Variants in CSMD1 observed in about 807,000 individuals in gnomAD.
CSMD1 encodes CUB and sushi domain-containing protein 1.
In CSMD1, 213 loss-of-function variants were observed where a neutral mutation model predicts 417.5. The observed-to-expected ratio is 0.51, with a 90% confidence interval of 0.46 to 0.57. The LOEUF (loss-of-function observed/expected upper bound fraction) is 0.57. CSMD1 is among the 20% of genes least tolerant of loss of function. CSMD1 has a pLI of 0.00. For synonymous variants in CSMD1, 2,862 were observed against 1,736.8 expected (o/e 1.65, Z -16.11); for missense variants, 6,923 against 4,529.7 (o/e 1.53, Z -15.17).
intron 3 of CSMD1, among the ~76,000 whole-genome samples, chr8:4,334,445 G>C (rs1043754642): frequency 6.6e-6 from 1 of 152,096 alleles, no homozygotes; most frequent in African/African-American, 2.4e-5. Context: ...TCTTTCTCAA[G>C]ACTGCAACAT....
Position 4,949,206 on chromosome 8 carries a change from T to C in CSMD1, c.85+45126A>G, listed in dbSNP as rs151215774. Reference sequence around the variant, plus strand: ...TAATATTGTCTTAAATACCATTGCATTTGGTTTGTCTATAATTTTTTTAGA... The same window carrying C: ...TAATATTGTCTTAAATACCATTGCACTTGGTTTGTCTATAATTTTTTTAGA... On this transcript the variant is annotated intron_variant, in intron 1 of 69. Coordinates refer to ENST00000635120, the MANE Select transcript of CSMD1 (RefSeq NM_033225.6). Among the ~76,000 whole-genome samples, 182 of 152,298 alleles carry C rather than the reference T, an allele frequency of 1.2e-3. 1 individual carries two copies. In the East Asian group the frequency reaches 0.026, roughly 22 times the overall value.
intron 26 of CSMD1, among the ~76,000 whole-genome samples, chr8:3,282,619 C>T (rs540662620): frequency 1.3e-5 from 2 of 152,222 alleles, no homozygotes; most frequent in Admixed American, 1.3e-4. Flanking sequence ...TTGGAACACT[C>T]TTACTTTCAT....
In CSMD1 at chr8:3,205,601, G is replaced by C; in HGVS notation, c.4887C>G (p.Tyr1629Ter). 1 of 1,572,856 alleles carries C rather than the reference G, an allele frequency of 6.4e-7. No homozygotes were observed. Among genetic ancestry groups the C allele is most frequent in the Non-Finnish European group, 8.7e-7 (1 of 1,153,170 alleles). The change falls in exon 31 of 70, where the codon TAC becomes TAG. Residue 1629 changes from tyrosine (Y) to a stop codon, truncating the protein, a stop_gained. Coordinates refer to ENST00000635120, the MANE Select transcript of CSMD1 (RefSeq NM_033225.6). LOFTEE classifies it high-confidence loss of function. The stretch of plus-strand genomic sequence containing the variant: ...ATAAAACTACCCCTTCTGATCCCGT[G>C]TACTGGCCTCCACAGGGAGCTGAAA... ...PSCNAPCGGQ[Y>*]TGSEGVVLSP...
intron 30 of CSMD1, among the ~76,000 whole-genome samples, chr8:3,206,717 T>C (rs541364398): frequency 7.6e-4 from 113 of 148,182 alleles, no homozygotes; most frequent in Non-Finnish European, 1.4e-3. Flanking sequence ...TCTGTGTGAA[T>C]GTGTGGGTAT....
chr8:4,911,072 C>T (rs4338127), intron 1 of CSMD1, among the ~76,000 whole-genome samples: 121,790 of 152,236 alleles, frequency 0.8, 48,831 homozygotes, highest in Admixed American at 0.84. Flanking sequence ...CCTTCCACCA[C>T]GATTGTGAGG....
chr8:2,973,510 TCA>T (rs1483826470), intron 56 of CSMD1, among the ~76,000 whole-genome samples: 1 of 152,220 alleles, frequency 6.6e-6, no homozygotes, highest in Non-Finnish European at 1.5e-5. Context: ...GTTACTAACT[TCA>T]CAATAGCCTA....
chr8:3,158,879 G>A (rs1819705988), intron 38 of CSMD1, among the ~76,000 whole-genome samples: 1 of 152,092 alleles, frequency 6.6e-6, no homozygotes, highest in South Asian at 2.1e-4. Flanking sequence ...AATAATTCCA[G>A]CCACACTGGG....
chr8:4,829,479 T>C (rs1483059820), intron 1 of CSMD1, among the ~76,000 whole-genome samples: 1 of 152,092 alleles, frequency 6.6e-6, no homozygotes, highest in Non-Finnish European at 1.5e-5. Flanking sequence ...CAGTGGCTAA[T>C]ACCTGTAATC....
chr8:3,511,616 G>A (rs574510649), intron 10 of CSMD1, among the ~76,000 whole-genome samples: 1 of 151,380 alleles, frequency 6.6e-6, no homozygotes, highest in Admixed American at 6.6e-5. Context: ...AGATTAGCTG[G>A]GCATGGTAGC....
chr8:4,352,056 C>A (rs1043826556), intron 3 of CSMD1, among the ~76,000 whole-genome samples: 6 of 150,848 alleles, frequency 4.0e-5, no homozygotes, highest in South Asian at 2.1e-4. Context: ...GTGTGGTCTA[C>A]AATTATTCAG....
chr8:4,344,237 T>C (rs1800648455), intron 3 of CSMD1, among the ~76,000 whole-genome samples: 1 of 152,158 alleles, frequency 6.6e-6, no homozygotes, highest in Non-Finnish European at 1.5e-5. Context: ...CAAAGGTGCC[T>C]CTGACACAAT....
chr8:3,892,273 C>A (rs770084730), intron 5 of CSMD1, among the ~76,000 whole-genome samples: 1 of 152,124 alleles, frequency 6.6e-6, no homozygotes, highest in African/African-American at 2.4e-5. Context: ...TAATCCAGCA[C>A]AAAGAACAAC....
chr8:3,055,881 T>C (rs7818377), intron 49 of CSMD1, among the ~76,000 whole-genome samples: 115,163 of 152,128 alleles, frequency 0.76, 43,937 homozygotes, highest in East Asian at 0.81. Flanking sequence ...TAATGAACGT[T>C]GTCTTCTTAC....
At chr8:4,527,089 G>C (rs994124126) in intron 2 of CSMD1, among the ~76,000 whole-genome samples, 1 of 151,914 alleles carries the variant, frequency 6.6e-6, no homozygotes, top group African/African-American at 2.4e-5. Context: ...ATTTTTTTCA[G>C]AAGCTTCGGA....
chr8:3,903,792 G>A (rs1220963841), intron 5 of CSMD1, among the ~76,000 whole-genome samples: 1 of 152,102 alleles, frequency 6.6e-6, no homozygotes, highest in East Asian at 1.9e-4. Flanking sequence ...GAGCCTCTCG[G>A]ATCAGTGTTC....
At chr8:3,580,054 A>T (rs1008999112) in intron 9 of CSMD1, among the ~76,000 whole-genome samples, 12 of 152,200 alleles carry the variant, frequency 7.9e-5, no homozygotes, top group African/African-American at 2.9e-4. Context: ...CAGCGAGCCA[A>T]GATAGCACCA....
At position 4,609,367 on chromosome 8, in the gene CSMD1, C is replaced by T. The variant is rs570796052; in HGVS notation, c.302+27975G>A. Among the ~76,000 whole-genome samples the T allele has an allele frequency of 2.0e-5, 3 of 152,296 alleles. No homozygotes were observed. In the South Asian group the frequency reaches 6.2e-4, roughly 32 times the overall value. On this transcript the variant is annotated intron_variant, in intron 2 of 69. Transcript: ENST00000635120. The stretch of plus-strand genomic sequence containing the variant: ...AGTGAGCCGAGACTGCGTGACTGCA[C>T]TCCAGCCTGGGTGACAGGGTGAGAC...
rs529044271 is a variant in CSMD1 at position 3,359,065 on chromosome 8, C to A, written c.3304+87G>T. On this transcript the variant is annotated intron_variant, in intron 21 of 69. Transcript: ENST00000635120. The stretch of plus-strand genomic sequence containing the variant: ...CCTCTCCTTCCTTGTCAACAAACCC[C>A]CACCCGACCCCGACCACCCTAGGCT... 4 of 1,314,620 alleles carry A rather than the reference C, an allele frequency of 3.0e-6. No individual in the cohort carries two copies. The East Asian group carries it at 9.3e-5, about 31-fold the overall frequency. 81.4% of individuals were successfully genotyped at this position (1,314,620 alleles called of 1,614,324 possible). A position where few individuals can be genotyped will look rare whatever the true frequency, so the allele number is the denominator to read the frequency against.
chr8:4,538,405 G>A lies in CSMD1; in HGVS notation c.302+98937C>T, dbSNP rs150598555. Among the ~76,000 whole-genome samples the A allele has an allele frequency of 3.1e-3, 467 of 152,084 alleles. 2 individuals are homozygous for A. The highest frequency in any genetic ancestry group is 0.011 in the African/African-American group (440 of 41,482). On this transcript the variant is annotated intron_variant, in intron 2 of 69. Transcript: ENST00000635120. ...TGCCTGTAATCCAAGCACTTTGGGAGGCCGAGGCAGGGAGATCACCTGAGA... is the reference window on the plus strand; with the variant it reads ...TGCCTGTAATCCAAGCACTTTGGGAAGCCGAGGCAGGGAGATCACCTGAGA...
Sources: allele counts gnomAD v4.1 joint callset (sites outside exome capture counted in the v4.1 genomes callset), GRCh38; gene constraint gnomAD v4.1.1; transcripts MANE v1.5; gene names NCBI Gene and HGNC (gene_info 2026-07-23, HGNC 2026-07-21).